Variants in ANKRD26 observed in about 807,000 individuals in gnomAD.
The protein encoded by ANKRD26 is ankyrin repeat domain 26, also known as ankyrin repeat domain-containing protein 26.
ANKRD26 carries 141 observed loss-of-function variants against 208.7 expected under a neutral mutation model. The ratio of observed to expected loss-of-function variants is 0.68; its 90% CI spans 0.59 to 0.78. The LOEUF is 0.78. Among genes scored for constraint, ANKRD26 ranks in the 30% least tolerant of loss-of-function variants. ANKRD26 has a pLI of 0.00. For synonymous variants in ANKRD26, 636 were observed against 660.4 expected, an observed-to-expected ratio of 0.96 and a Z score of 0.57; for missense variants, 1,889 against 1,938.7, an observed-to-expected ratio of 0.97 and a Z score of 0.48.
At chr10:26,955,729 T>C in the ANKRD26 span, among the ~76,000 whole-genome samples, 5 of 152,188 alleles carry the variant, frequency 3.3e-5, no homozygotes, top group African/African-American at 4.8e-5. Flanking sequence ...TGAAGAACCA[T>C]ACACTTTCTA....
chr10:27,013,210 A>C (rs542483402), intron 31 of ANKRD26, 100 bp from the exon 32 acceptor site: 1 of 998,692 alleles, frequency 1.0e-6, no homozygotes, highest in African/African-American at 1.6e-5. Flanking sequence ...GGAGTAAATG[A>C]AATTTCCCAT....
intron 16 of ANKRD26, 34 bp downstream of exon 16, chr10:27,053,286 T>A (rs779462707): frequency 6.7e-7 from 1 of 1,488,922 alleles, no homozygotes; most frequent in Non-Finnish European, 9.3e-7. Context: ...AAGAAAACAA[T>A]ATTAAACCAG....
At chr10:27,095,667 C>A (rs1003776156) in intron 1 of ANKRD26, among the ~76,000 whole-genome samples, 43 of 152,026 alleles carry the variant, frequency 2.8e-4, no homozygotes, top group African/African-American at 9.7e-4. Flanking sequence ...AATCTCCTCT[C>A]AAAAAAATAA....
intron 15 of ANKRD26, among the ~76,000 whole-genome samples, chr10:27,057,415 C>T (rs2054875479): frequency 6.6e-6 from 1 of 152,036 alleles, no homozygotes; most frequent in Admixed American, 6.6e-5. Flanking sequence ...TAAGATTCTT[C>T]AGGGATATGA....
At chr10:27,007,643 G>A (rs1359883539) in intron 32 of ANKRD26, among the ~76,000 whole-genome samples, 10 of 152,168 alleles carry the variant, frequency 6.6e-5, no homozygotes, top group East Asian at 1.9e-4. Context: ...ATGACAGAGC[G>A]AGACTCCGTC....
downstream of ANKRD26, among the ~76,000 whole-genome samples, chr10:26,972,050 A>G (rs1035446195): frequency 7.2e-5 from 11 of 152,078 alleles, 1 homozygote; most frequent in South Asian, 4.1e-4. Context: ...CCTGGCTAAC[A>G]CGGTGAAACC....
chr10:27,023,338 G>GA (rs57632539), intron 28 of ANKRD26, among the ~76,000 whole-genome samples: 2,666 of 132,424 alleles, frequency 0.02, 143 homozygotes, highest in East Asian at 0.17. Flanking sequence ...AGATTCCAGG[G>GA]AAAAAAAAAA....
chr10:26,976,729 G>A (rs538136619), intron 5 of ANKRD26, among the ~76,000 whole-genome samples: 1 of 152,164 alleles, frequency 6.6e-6, no homozygotes, highest in South Asian at 2.1e-4. Context: ...CAAGCTCACT[G>A]CGTGTGCAAA....
chr10:27,039,517 A>C (rs2054158902), intron 21 of ANKRD26, among the ~76,000 whole-genome samples: 1 of 152,132 alleles, frequency 6.6e-6, no homozygotes. Flanking sequence ...TTGAAACGTA[A>C]ATTAACTAAA....
At chr10:27,021,206 T>G (rs2135017814) in intron 29 of ANKRD26, among the ~76,000 whole-genome samples, 1 of 152,318 alleles carries the variant, frequency 6.6e-6, no homozygotes, top group East Asian at 1.9e-4. Context: ...ACATTTAGGT[T>G]GATTCCACAT....
chr10:26,971,341 C>T (rs1377174424), downstream of ANKRD26, among the ~76,000 whole-genome samples: 2 of 151,782 alleles, frequency 1.3e-5, no homozygotes, highest in African/African-American at 4.8e-5. Flanking sequence ...CGAGATTGCT[C>T]CATTGCACTC....
the ANKRD26 span, among the ~76,000 whole-genome samples, chr10:26,963,424 A>G: frequency 6.6e-6 from 1 of 152,218 alleles, no homozygotes; most frequent in Non-Finnish European, 1.5e-5. Context: ...GCTCTGGCAC[A>G]GTCTTGTAAA....
At position 27,028,858 on chromosome 10, in the gene ANKRD26, T is replaced by C. The variant is rs1413734792; in HGVS notation, c.3966A>G (p.Ala1322=). Residue 1322 remains alanine (A), a synonymous_variant, in exon 27 of 34, where the codon GCA becomes GCG. Transcript: ENST00000376087. ...AATTAAGTGGCTGACTTACCAAATT[T>C]GCATTTAACAGGTTTTTCTGAAGCT... is the stretch of plus-strand genomic sequence containing the variant. The part of the protein sequence containing the change: ...IEELQKNLLN[A]NLSEDEKEQL... 3.7e-6 allele frequency: 6 copies of C among 1,612,584 alleles called. No individual in the cohort carries two copies. The highest frequency in any genetic ancestry group is 1.7e-5 in the Admixed American group (1 of 59,996).
chr10:27,048,283 G>A (rs555519992), intron 17 of ANKRD26, among the ~76,000 whole-genome samples: 5 of 152,148 alleles, frequency 3.3e-5, no homozygotes, highest in Admixed American at 2.0e-4. Context: ...AGCAACATGT[G>A]TATATATGTA....
At chr10:27,031,718 G>A (rs1031814426) in intron 25 of ANKRD26, among the ~76,000 whole-genome samples, 4 of 152,054 alleles carry the variant, frequency 2.6e-5, no homozygotes, top group African/African-American at 7.2e-5. Flanking sequence ...TCTCAATAAT[G>A]TTCTTTAAAA....
intron 5 of ANKRD26, among the ~76,000 whole-genome samples, chr10:26,993,632 C>A (rs1356181506): frequency 6.6e-6 from 1 of 152,178 alleles, no homozygotes; most frequent in Non-Finnish European, 1.5e-5. Flanking sequence ...CCTCTGAAAA[C>A]CTTTTCCCAT....
At chr10:27,033,635 C>T (rs2053953460) in intron 24 of ANKRD26, among the ~76,000 whole-genome samples, 1 of 152,082 alleles carries the variant, frequency 6.6e-6, no homozygotes, top group Non-Finnish European at 1.5e-5. Context: ...TTCATTCATC[C>T]CCCCATGAAT....
downstream of ANKRD26, among the ~76,000 whole-genome samples, chr10:26,972,965 C>G (rs2052172637): frequency 6.6e-6 from 1 of 152,130 alleles, no homozygotes; most frequent in Non-Finnish European, 1.5e-5. Context: ...AGTCTAGCTT[C>G]TGACTCCATG....
rs932410041 is a variant in ANKRD26, at chr10:27,034,844, G to C, written c.3606C>G (p.His1202Gln). The C allele has an allele frequency of 1.2e-6, 2 of 1,610,612 alleles. No homozygotes were observed. The highest frequency in any genetic ancestry group is 1.7e-6 in the Non-Finnish European group (2 of 1,178,988). ...CATATTGATACTGTCTTTCTTTTAA[G>C]TGATTACATTCACTGATTAACTCCT... ...RNKELISECN[H>Q]LKERQYQYEN... Residue 1202 changes from histidine (H) to glutamine (Q), a missense_variant, in exon 24 of 34, where the codon CAC becomes CAG. By Grantham distance (24) the His-to-Gln change is conservative. Coordinates refer to ENST00000376087, the MANE Select transcript of ANKRD26 (RefSeq NM_014915.3).
Sources: gnomAD v4.1 joint callset for allele counts (sites outside exome capture counted in the v4.1 genomes callset) on GRCh38, gnomAD v4.1.1 for gene constraint, MANE v1.5 for transcripts, NCBI Gene and HGNC (gene_info 2026-07-23, HGNC 2026-07-21) for gene names.